RELN: variants seen among roughly 807,000 people sequenced by gnomAD.
RELN encodes the protein reelin.
In RELN, 108 loss-of-function variants were observed where a neutral mutation model predicts 427.6. That is an observed-to-expected ratio of 0.25 (90% CI 0.22 to 0.30). The LOEUF (loss-of-function observed/expected upper bound fraction) is 0.30, where lower values mean the gene tolerates loss of function less well. Among genes scored for constraint, RELN ranks in the 10% least tolerant of loss-of-function variants. The pLI is 1.00. For synonymous variants in RELN, 1,524 were observed against 1,513.4 expected (o/e 1.01, Z -0.16); for missense variants, 3,715 against 4,302.8 (o/e 0.86, Z 3.82).
At chr7:103,923,644 G>T (rs747061789) in intron 1 of RELN, among the ~76,000 whole-genome samples, 1 of 152,118 alleles carries the variant, frequency 6.6e-6, no homozygotes, top group Non-Finnish European at 1.5e-5. Flanking sequence ...GAGAGAGATC[G>T]TTCCTACCTT....
At chr7:103,987,799 T>A (rs1326750241) in intron 1 of RELN, among the ~76,000 whole-genome samples, 1 of 152,184 alleles carries the variant, frequency 6.6e-6, no homozygotes, top group African/African-American at 2.4e-5. Context: ...AGAACATTAA[T>A]TTTCCAAAAT....
At chr7:103,829,951 T>C (rs1793235573) in intron 3 of RELN, among the ~76,000 whole-genome samples, 2 of 152,052 alleles carry the variant, frequency 1.3e-5, no homozygotes, top group Admixed American at 6.6e-5. Flanking sequence ...TTGACTGTAG[T>C]GTCAATTCAA....
intron 50 of RELN, among the ~76,000 whole-genome samples, chr7:103,514,590 C>A (rs542215626): frequency 1.3e-5 from 2 of 152,000 alleles, no homozygotes; most frequent in African/African-American, 4.8e-5. Flanking sequence ...ACCTGGGAGG[C>A]GGAGGTTGCA....
At chr7:103,525,854 G>A (rs9886100) in intron 46 of RELN, among the ~76,000 whole-genome samples, 1,831 of 152,060 alleles carry the variant, frequency 0.012, 32 homozygotes, top group African/African-American at 0.041. Context: ...CAAAGCCCTC[G>A]TCACCTTGTA....
rs758393207 is a variant in RELN, at chr7:103,574,163, G to C, written c.4440C>G (p.Gly1480=). ...CAGGGCCATTGAAGTAGAGAGATTTGCCATCGTTAAGTGTTCCACAGCCAG... is the reference window on the plus strand; with the variant it reads ...CAGGGCCATTGAAGTAGAGAGATTTCCCATCGTTAAGTGTTCCACAGCCAG... ...VGTGCGTLND[G]KSLYFNGPGK... is the part of the protein sequence containing the mutation. The change falls in exon 30 of 65, where the codon GGC becomes GGG. Residue 1480 remains glycine (G), a synonymous_variant. Coordinates refer to ENST00000428762, the MANE Select transcript of RELN (RefSeq NM_005045.4). The C allele has an allele frequency of 6.2e-7, 1 of 1,614,136 alleles. No individual in the cohort carries two copies.
chr7:103,773,762 G>C (rs753451898), intron 4 of RELN, among the ~76,000 whole-genome samples: 1 of 151,770 alleles, frequency 6.6e-6, no homozygotes, highest in Non-Finnish European at 1.5e-5. Flanking sequence ...GACCCACTGC[G>C]CGCGGCCTCC....
intron 60 of RELN, among the ~76,000 whole-genome samples, chr7:103,489,203 G>GGTGTGTGTGTGTGTGTGTGT (rs3051647): frequency 2.6e-4 from 39 of 147,766 alleles, no homozygotes; most frequent in African/African-American, 9.2e-4. Flanking sequence ...GTCATAAAGG[G>GGTGTGTGTGTGTGTGTGTGT]GTGTGTGTGT....
In RELN at chr7:103,745,733, A is replaced by G. The variant is rs1047374904; in HGVS notation, c.656+3693T>C. 1.5e-4 allele frequency among the ~76,000 whole-genome samples: 22 copies of G among 150,612 alleles called. 1 individual carries two copies. The highest frequency in any genetic ancestry group is 6.6e-5 in the Admixed American group (1 of 15,180). On this transcript the variant is annotated intron_variant, in intron 6 of 64. Coordinates refer to ENST00000428762, the MANE Select transcript of RELN (RefSeq NM_005045.4). ...AGGGATGTGAAGGACCTCTTCAAGG[A>G]GAACTACAAACCACTGCTCAAGGAA...
At position 103,497,891 on chromosome 7, in the gene RELN, T is replaced by C; in HGVS notation, c.8879A>G (p.Asn2960Ser). ...GGGACGATGGCAAGAGGTCATGTTGTTCTCACTACCGATGCGCCCCCAGTA... is the reference window on the plus strand; with the variant it reads ...GGGACGATGGCAAGAGGTCATGTTGCTCTCACTACCGATGCGCCCCCAGTA... ...LQYWGRIGSENNMTSCHRPIC... is the reference protein window; with the variant it reads ...LQYWGRIGSESNMTSCHRPIC... Residue 2960 changes from asparagine (N) to serine (S), a missense_variant, in exon 55 of 65, where the codon AAC (asparagine) becomes AGC (serine). Physicochemically the swap from Asn to Ser is conservative, Grantham distance 46 (BLOSUM62 1). Around this residue, in one of 4 missense-constraint regions of RELN, gnomAD observed 1,310 missense variants for 1,643.0 expected, o/e 0.80. Transcript: ENST00000428762. 2 of 1,614,158 alleles carry C rather than the reference T, an allele frequency of 1.2e-6. No homozygotes were observed. Among genetic ancestry groups the C allele is most frequent in the Non-Finnish European group, 1.7e-6 (2 of 1,180,016 alleles).
chr7:103,871,510 G>T lies in RELN; in HGVS notation c.338-37838C>A, dbSNP rs181070027. On this transcript the variant is annotated intron_variant, in intron 2 of 64. Transcript: ENST00000428762. ...CTACATTTGCCGTATTAATAGGACA[G>T]TCATGGATTTTTAGGTCTCTAGTTT... Among the ~76,000 whole-genome samples, 239 of 152,192 alleles carry T rather than the reference G, an allele frequency of 1.6e-3. 1 individual carries two copies. Among genetic ancestry groups the T allele is most frequent in the African/African-American group, 5.4e-3 (226 of 41,542 alleles).
intron 64 of RELN, among the ~76,000 whole-genome samples, chr7:103,474,349 T>A (rs1051003352): frequency 5.3e-4 from 81 of 152,126 alleles, no homozygotes; most frequent in African/African-American, 1.7e-3. Context: ...CCCTGCTAGA[T>A]TTCAATAATA....
Position 103,610,811 on chromosome 7 carries a change from A to G in RELN, c.2896-4T>C. The G allele has an allele frequency of 6.5e-7, 1 of 1,547,016 alleles. No individual in the cohort carries two copies. The highest frequency in any genetic ancestry group is 8.9e-7 in the Non-Finnish European group (1 of 1,119,140). On this transcript the variant is annotated splice_region_variant and splice_polypyrimidine_tract_variant and intron_variant, in intron 21 of 64. Coordinates refer to ENST00000428762, the MANE Select transcript of RELN (RefSeq NM_005045.4). The stretch of plus-strand genomic sequence containing the variant: ...TTGGCATACTTGGAAGGCATTCCTG[A>G]AAGAAAGTTAGGCACAAATCAAACC...
At chr7:103,649,608 T>C (rs775323098) in intron 16 of RELN, among the ~76,000 whole-genome samples, 2 of 151,314 alleles carry the variant, frequency 1.3e-5, no homozygotes, top group Non-Finnish European at 2.9e-5. Flanking sequence ...AACCAAAGAG[T>C]TGGTGATTAA....
intron 12 of RELN, among the ~76,000 whole-genome samples, chr7:103,655,111 C>T (rs78690424): frequency 0.017 from 2,625 of 152,054 alleles, 79 homozygotes; most frequent in African/African-American, 0.06. Flanking sequence ...CACGCCTAGT[C>T]CCAGTCAACA....
intron 3 of RELN, among the ~76,000 whole-genome samples, chr7:103,779,890 G>T (rs529817545): frequency 4.6e-5 from 7 of 152,272 alleles, no homozygotes; most frequent in Non-Finnish European, 7.4e-5. Flanking sequence ...GCCATGCCCA[G>T]CTAATTTTTG....
At chr7:103,592,135 C>T (rs917813716) in intron 27 of RELN, among the ~76,000 whole-genome samples, 8 of 151,998 alleles carry the variant, frequency 5.3e-5, no homozygotes, top group Non-Finnish European at 1.0e-4. Flanking sequence ...CACTTTGTCA[C>T]CCAGGTAATA....
At chr7:103,756,862 A>G (rs1366013964) in intron 4 of RELN, among the ~76,000 whole-genome samples, 1 of 152,252 alleles carries the variant, frequency 6.6e-6, no homozygotes, top group Admixed American at 6.5e-5. Flanking sequence ...GGAAAAGTAC[A>G]AATTTTCCTG....
At chr7:103,924,295 C>T (rs1330843748) in intron 1 of RELN, among the ~76,000 whole-genome samples, 2 of 152,116 alleles carry the variant, frequency 1.3e-5, no homozygotes, top group East Asian at 3.8e-4. Flanking sequence ...TATTACTCTT[C>T]TTTTTCATTT....
intron 62 of RELN, among the ~76,000 whole-genome samples, chr7:103,483,375 G>T (rs1828309162): frequency 6.6e-6 from 1 of 152,180 alleles, no homozygotes; most frequent in Non-Finnish European, 1.5e-5. Flanking sequence ...AGAAAAACTG[G>T]TTAAAACAAG....
Sources: allele counts gnomAD v4.1 joint callset (sites outside exome capture counted in the v4.1 genomes callset), GRCh38; gene constraint gnomAD v4.1.1; regional missense constraint gnomAD v4.1.1; transcripts MANE v1.5; gene names NCBI Gene and HGNC (gene_info 2026-07-23, HGNC 2026-07-21).